The following YAF2 variants were observed in gnomAD, a reference collection of about 807,000 sequenced individuals.
YAF2 encodes the protein YY1-associated factor 2.
In YAF2, 7 loss-of-function variants were observed where a neutral mutation model predicts 20.1. That is an observed-to-expected ratio of 0.35 (90% confidence interval 0.20 to 0.65). The LOEUF is 0.65. YAF2 is among the 30% of genes least tolerant of loss of function. The probability of loss-of-function intolerance (pLI) is 0.69; values close to 1 mark genes in which losing one functional copy is unlikely to be tolerated. For missense variants in YAF2, 151 were observed against 219.2 expected (o/e 0.69, Z 1.96); for synonymous variants, 74 against 76.0 (o/e 0.97, Z 0.14).
intron 2 of YAF2, among the ~76,000 whole-genome samples, chr12:42,206,429 C>T (rs933286237): frequency 6.6e-6 from 1 of 151,482 alleles, no homozygotes; most frequent in African/African-American, 2.4e-5. Context: ...GCCAACATGG[C>T]AAAACCCCAT....
At chr12:42,176,205 C>G (rs1364873045) in intron 2 of YAF2, among the ~76,000 whole-genome samples, 1 of 145,748 alleles carries the variant, frequency 6.9e-6, no homozygotes, top group Admixed American at 6.9e-5. Context: ...GAGTGTGACT[C>G]TGTCTCAAAA....
chr12:42,176,897 G>C (rs1418607956), intron 2 of YAF2, among the ~76,000 whole-genome samples: 2 of 152,106 alleles, frequency 1.3e-5, no homozygotes, highest in African/African-American at 4.8e-5. Flanking sequence ...AACCCAGGAG[G>C]GGGAGGTTGC....
At chr12:42,183,635 G>T (rs1565612648) in intron 2 of YAF2, among the ~76,000 whole-genome samples, 1 of 152,164 alleles carries the variant, frequency 6.6e-6, no homozygotes, top group African/African-American at 2.4e-5. Context: ...AAAGAGGTGA[G>T]GAAGCTGCAG....
intron 2 of YAF2, among the ~76,000 whole-genome samples, chr12:42,202,543 C>T (rs1482612519): frequency 6.6e-6 from 1 of 152,208 alleles, no homozygotes; most frequent in African/African-American, 2.4e-5. Context: ...TCACTAATTT[C>T]ATTCAACATT....
intron 2 of YAF2, among the ~76,000 whole-genome samples, chr12:42,164,086 T>C (rs1005745320): frequency 6.6e-6 from 1 of 152,082 alleles, no homozygotes; most frequent in African/African-American, 2.4e-5. Context: ...TGATAAGGAG[T>C]TGATGTGCAC....
intron 2 of YAF2, chr12:42,210,289 T>C (rs890697434): frequency 2.0e-6 from 2 of 1,006,756 alleles, no homozygotes; most frequent in African/African-American, 3.2e-5. Flanking sequence ...TTAAACAAAC[T>C]CCTTCTCAAG....
chr12:42,235,713 T>G (rs1296388524), intron 2 of YAF2: 5 of 1,533,678 alleles, frequency 3.3e-6, no homozygotes. Context: ...CCTCAAGTAA[T>G]GTTTCCACCA....
At chr12:42,161,080 G>C (rs2065789501) in intron 3 of YAF2, 1 of 433,814 alleles carries the variant, frequency 2.3e-6, no homozygotes, top group African/African-American at 2.0e-5. Flanking sequence ...TTCTATAGCT[G>C]TATCATAATT....
chr12:42,191,422 TAC>T (rs775377376), intron 2 of YAF2, among the ~76,000 whole-genome samples: 10 of 152,298 alleles, frequency 6.6e-5, no homozygotes, highest in Non-Finnish European at 1.2e-4. Flanking sequence ...ACCATCCATT[TAC>T]TTCCAATCCC....
chr12:42,206,917 TA>T (rs2067060533), intron 2 of YAF2, among the ~76,000 whole-genome samples: 1 of 152,144 alleles, frequency 6.6e-6, no homozygotes, highest in Non-Finnish European at 1.5e-5. Flanking sequence ...CAATGACCCA[TA>T]TACCTTCTAC....
At chr12:42,199,731 T>C (rs2066849593) in intron 2 of YAF2, among the ~76,000 whole-genome samples, 1 of 151,996 alleles carries the variant, frequency 6.6e-6, no homozygotes, top group Non-Finnish European at 1.5e-5. Flanking sequence ...AGACACAGAA[T>C]ACGGTAATAC....
intron 2 of YAF2, among the ~76,000 whole-genome samples, chr12:42,167,763 T>C (rs2065949617): frequency 6.6e-6 from 1 of 152,162 alleles, no homozygotes; most frequent in Non-Finnish European, 1.5e-5. Flanking sequence ...CCCAGCACTT[T>C]GGGAGGCCAA....
intron 2 of YAF2, among the ~76,000 whole-genome samples, chr12:42,188,034 C>G (rs1407303877): frequency 2.0e-5 from 3 of 152,174 alleles, no homozygotes; most frequent in African/African-American, 7.2e-5. Context: ...CTTAGTTGCA[C>G]CCTCAGGAGA....
intron 2 of YAF2, among the ~76,000 whole-genome samples, chr12:42,206,635 T>G (rs2067051638): frequency 1.3e-5 from 2 of 151,768 alleles, no homozygotes; most frequent in Admixed American, 1.3e-4. Flanking sequence ...TAACTGAAAT[T>G]TTAAGCTAAA....
intron 2 of YAF2, among the ~76,000 whole-genome samples, chr12:42,186,065 C>G (rs555462317): frequency 1.1e-4 from 17 of 151,560 alleles, no homozygotes; most frequent in Admixed American, 2.6e-4. Context: ...GTGGTACATG[C>G]CTATAATCCC....
chr12:42,186,147 G>A lies in YAF2; in HGVS notation c.153-24382C>T, dbSNP rs1411335024. Among the ~76,000 whole-genome samples, 7 of 129,788 alleles carry A rather than the reference G, an allele frequency of 5.4e-5. No individual in the cohort carries two copies. In the East Asian group the frequency reaches 7.6e-4, roughly 14 times the overall value. 85.1% of individuals were successfully genotyped at this position (129,788 alleles called of 152,430 possible). ...CAGAGGTTGCAGTGGCTGAGATTGC[G>A]CCACTGTACTCCAGCCTGGGCACCA... On this transcript the variant is annotated intron_variant, in intron 2 of 3. Transcript: ENST00000534854.
chr12:42,176,272 C>T (rs1317110176), intron 2 of YAF2, among the ~76,000 whole-genome samples: 1 of 151,636 alleles, frequency 6.6e-6, no homozygotes, highest in Non-Finnish European at 1.5e-5. Context: ...CAGGAGTGCA[C>T]CATCACGCCA....
At chr12:42,210,776 C>T in intron 2 of YAF2, 1 of 1,111,976 alleles carries the variant, frequency 9.0e-7, no homozygotes, top group Non-Finnish European at 1.2e-6. Flanking sequence ...ACTATATATA[C>T]ACGTATCAAA....
intron 2 of YAF2, among the ~76,000 whole-genome samples, chr12:42,224,525 C>T (rs1345610494): frequency 6.6e-6 from 1 of 152,242 alleles, no homozygotes; most frequent in Non-Finnish European, 1.5e-5. Flanking sequence ...TATCCCTCCT[C>T]TAGCCCCCCA....
Sources: gnomAD v4.1 joint callset for allele counts (sites outside exome capture counted in the v4.1 genomes callset) on GRCh38, gnomAD v4.1.1 for gene constraint, MANE v1.5 for transcripts, NCBI Gene and HGNC (gene_info 2026-07-23, HGNC 2026-07-21) for gene names.